Variants in PDLIM5 observed in about 807,000 individuals in gnomAD.
The protein encoded by PDLIM5 is PDZ and LIM domain protein 5.
In PDLIM5, 34 loss-of-function variants were observed where a neutral mutation model predicts 64.2. The observed-to-expected ratio is 0.53, with a 90% CI of 0.40 to 0.71. PDLIM5 has a LOEUF of 0.71. PDLIM5 is among the 30% of genes least tolerant of loss of function. The pLI, the probability that PDLIM5 is intolerant of heterozygous loss-of-function variation, is 0.00. For missense variants in PDLIM5, 683 were observed against 733.6 expected, an observed-to-expected ratio of 0.93 and a Z score of 0.80; for synonymous variants, 253 against 269.1, an observed-to-expected ratio of 0.94 and a Z score of 0.59.
intron 2 of PDLIM5, chr4:94,456,867 T>C (rs1027569057): frequency 3.6e-5 from 39 of 1,082,404 alleles, no homozygotes; most frequent in Middle Eastern, 4.4e-4. Context: ...TTAATTATCA[T>C]ACCAACATGC....
intron 3 of PDLIM5, among the ~76,000 whole-genome samples, chr4:94,540,361 G>T (rs1271595601): frequency 6.6e-6 from 1 of 152,134 alleles, no homozygotes; most frequent in East Asian, 1.9e-4. Flanking sequence ...CTCGTGATCC[G>T]CCCGCCTCGG....
chr4:94,469,023 T>C (rs1724615159), intron 2 of PDLIM5, among the ~76,000 whole-genome samples: 1 of 152,198 alleles, frequency 6.6e-6, no homozygotes, highest in East Asian at 1.9e-4. Context: ...GTTGATCACA[T>C]AGCCTGTGTC....
At chr4:94,512,328 A>C (rs1728961363) in intron 2 of PDLIM5, among the ~76,000 whole-genome samples, 1 of 152,014 alleles carries the variant, frequency 6.6e-6, no homozygotes, top group Non-Finnish European at 1.5e-5. Context: ...CAGTAGCTGT[A>C]TTTTTAATGT....
At chr4:94,622,600 A>G (rs1220064591) in intron 8 of PDLIM5, among the ~76,000 whole-genome samples, 1 of 152,034 alleles carries the variant, frequency 6.6e-6, no homozygotes, top group Admixed American at 6.6e-5. Context: ...TCAGAAGGTT[A>G]GCATTTTTGT....
chr4:94,616,996 T>C (rs1738835517), intron 7 of PDLIM5, among the ~76,000 whole-genome samples: 1 of 152,178 alleles, frequency 6.6e-6, no homozygotes, highest in South Asian at 2.1e-4. Context: ...CTGGAGGAAA[T>C]GAGTCTCGAA....
At chr4:94,663,909 C>A in intron 12 of PDLIM5, 69 bp from the exon 13 acceptor site, 1 of 1,503,340 alleles carries the variant, frequency 6.7e-7, no homozygotes, top group Non-Finnish European at 9.0e-7. Flanking sequence ...TCTCCTTCTC[C>A]AGCATACTGG....
intron 8 of PDLIM5, among the ~76,000 whole-genome samples, chr4:94,619,565 G>A (rs1739059018): frequency 1.3e-5 from 2 of 151,892 alleles, no homozygotes; most frequent in Admixed American, 6.6e-5. Context: ...GCATGAACCC[G>A]GTAGGTGGAG....
At chr4:94,505,118 C>T (rs1038262804) in intron 2 of PDLIM5, among the ~76,000 whole-genome samples, 5 of 152,154 alleles carry the variant, frequency 3.3e-5, no homozygotes, top group Non-Finnish European at 7.4e-5. Context: ...CCCCATACAC[C>T]AACCAGTCAT....
intron 2 of PDLIM5, among the ~76,000 whole-genome samples, chr4:94,506,810 GTGGACT>G: frequency 6.6e-6 from 1 of 152,180 alleles, no homozygotes; most frequent in Non-Finnish European, 1.5e-5. Flanking sequence ...ATTTGAGTCA[GTGGACT>G]TGGAAGAGGA....
At chr4:94,660,072 A>G (rs1482610169) in intron 11 of PDLIM5, among the ~76,000 whole-genome samples, 2 of 150,946 alleles carry the variant, frequency 1.3e-5, no homozygotes, top group South Asian at 2.1e-4. Context: ...ATATTTTTGT[A>G]TTTTTAGTGG....
chr4:94,590,031 G>A (rs558716677), intron 7 of PDLIM5, among the ~76,000 whole-genome samples: 49 of 152,068 alleles, frequency 3.2e-4, no homozygotes, highest in African/African-American at 1.1e-3. Context: ...CCTGTGCCTC[G>A]GCCTCCCAAA....
At chr4:94,529,332 G>T (rs2452576) in intron 3 of PDLIM5, among the ~76,000 whole-genome samples, 86,398 of 151,900 alleles carry the variant, frequency 0.57, 25,826 homozygotes, top group African/African-American at 0.75. Flanking sequence ...CCCAAATTCT[G>T]CTCTCCTCCA....
At chr4:94,641,126 C>T (rs1740972633) in intron 9 of PDLIM5, among the ~76,000 whole-genome samples, 1 of 152,220 alleles carries the variant, frequency 6.6e-6, no homozygotes, top group African/African-American at 2.4e-5. Context: ...GGCACCAGTG[C>T]TGATTGCAGG....
chr4:94,514,699 G>T (rs1357506577), intron 2 of PDLIM5, among the ~76,000 whole-genome samples: 1 of 152,084 alleles, frequency 6.6e-6, no homozygotes, highest in Non-Finnish European at 1.5e-5. Flanking sequence ...TTTCTGTTAC[G>T]GCTTTGGTCT....
intron 10 of PDLIM5, among the ~76,000 whole-genome samples, chr4:94,656,139 T>C (rs13121500): frequency 0.3 from 46,101 of 152,056 alleles, 7,274 homozygotes; most frequent in Non-Finnish European, 0.35. Flanking sequence ...ATGACCTAAA[T>C]ATTTACCAAT....
intron 2 of PDLIM5, among the ~76,000 whole-genome samples, chr4:94,486,596 G>A (rs146709752): frequency 1.8e-3 from 268 of 152,300 alleles, no homozygotes; most frequent in Non-Finnish European, 2.6e-3. Context: ...TTACTAAGGA[G>A]TATTTCTATT....
At chr4:94,576,064 C>T (rs759252784) in intron 5 of PDLIM5, 30 bp downstream of exon 5, 4 of 1,557,242 alleles carry the variant, frequency 2.6e-6, no homozygotes, top group Non-Finnish European at 3.5e-6. Flanking sequence ...TCTGCTCTTA[C>T]TAAAACTCTT....
intron 7 of PDLIM5, among the ~76,000 whole-genome samples, chr4:94,594,912 G>C (rs1736949532): frequency 6.6e-6 from 1 of 152,054 alleles, no homozygotes; most frequent in African/African-American, 2.4e-5. Flanking sequence ...CTGCTAAAAA[G>C]AACTACCTGA....
chr4:94,624,938 T>G (rs1249272788), intron 8 of PDLIM5, among the ~76,000 whole-genome samples: 1 of 152,242 alleles, frequency 6.6e-6, no homozygotes, highest in Non-Finnish European at 1.5e-5. Flanking sequence ...TTAATGTGTT[T>G]AAAAGATCAT....
Sources: gnomAD v4.1 joint callset for allele counts (sites outside exome capture counted in the v4.1 genomes callset) on GRCh38, gnomAD v4.1.1 for gene constraint, MANE v1.5 for transcripts, NCBI Gene and HGNC (gene_info 2026-07-23, HGNC 2026-07-21) for gene names.